DPYSL3: variants seen among roughly 807,000 people sequenced by gnomAD.
DPYSL3 encodes dihydropyrimidinase-related protein 3.
Under a neutral mutation model 66.1 loss-of-function variants are expected in DPYSL3, and 16 were observed. That is an observed-to-expected ratio of 0.24 (90% CI 0.16 to 0.37). The LOEUF is 0.37. Ranked by LOEUF, DPYSL3 falls within the 10% of genes least tolerant of loss-of-function variation. DPYSL3 has a pLI of 1.00. For missense variants in DPYSL3, 738 were observed against 916.2 expected, an observed-to-expected ratio of 0.81 and a Z score of 2.51; for synonymous variants, 338 against 345.1, an observed-to-expected ratio of 0.98 and a Z score of 0.23.
intron 1 of DPYSL3, among the ~76,000 whole-genome samples, chr5:147,437,607 G>A (rs1752435985): frequency 6.6e-6 from 1 of 152,204 alleles, no homozygotes; most frequent in Admixed American, 6.5e-5. Context: ...GGAGAGTGTG[G>A]AAGGAAGGAA....
intron 8 of DPYSL3, among the ~76,000 whole-genome samples, chr5:147,404,886 C>T (rs1758289969): frequency 6.6e-6 from 1 of 152,182 alleles, no homozygotes; most frequent in Non-Finnish European, 1.5e-5. Flanking sequence ...TGACCTGCAT[C>T]TGCACTGTGG....
intron 1 of DPYSL3, among the ~76,000 whole-genome samples, chr5:147,497,158 C>G (rs1034790723): frequency 6.7e-6 from 1 of 150,202 alleles, no homozygotes; most frequent in African/African-American, 2.5e-5. Context: ...GGACAAAAAA[C>G]CAAACACTGC....
chr5:147,451,730 C>T (rs11960053), intron 1 of DPYSL3, among the ~76,000 whole-genome samples: 3,765 of 152,292 alleles, frequency 0.025, 150 homozygotes, highest in African/African-American at 0.081. Context: ...GGCATACCTC[C>T]AGCATAGAAT....
intron 1 of DPYSL3, among the ~76,000 whole-genome samples, chr5:147,480,703 A>ATATTATTATTATTAT (rs10665228): frequency 2.1e-5 from 3 of 142,472 alleles, no homozygotes; most frequent in South Asian, 2.3e-4. Context: ...GAATATATAT[A>ATATTATTATTATTAT]TATTATTATT....
At chr5:147,494,342 G>A (rs924479436) in intron 1 of DPYSL3, among the ~76,000 whole-genome samples, 43 of 151,998 alleles carry the variant, frequency 2.8e-4, no homozygotes, top group African/African-American at 9.9e-4. Flanking sequence ...CAGAAGAAAA[G>A]ATTTCTTTTC....
intron 7 of DPYSL3, among the ~76,000 whole-genome samples, chr5:147,406,878 G>C (rs963141178): frequency 6.6e-6 from 1 of 152,186 alleles, no homozygotes; most frequent in African/African-American, 2.4e-5. Flanking sequence ...TCCATTGTGG[G>C]TGTAGCTCAG....
intron 1 of DPYSL3, among the ~76,000 whole-genome samples, chr5:147,490,516 A>G (rs1411040652): frequency 6.6e-6 from 1 of 152,238 alleles, no homozygotes; most frequent in Non-Finnish European, 1.5e-5. Context: ...CTCTGTGAAG[A>G]TGCCACAATG....
chr5:147,453,186 A>AAAGCAC (rs1752770366), intron 1 of DPYSL3, among the ~76,000 whole-genome samples: 2 of 152,086 alleles, frequency 1.3e-5, no homozygotes, highest in African/African-American at 4.8e-5. Context: ...CCTTAGACAA[A>AAAGCAC]AAGCACACCT....
At chr5:147,417,223 T>C (rs1427352546) in intron 3 of DPYSL3, among the ~76,000 whole-genome samples, 1 of 152,206 alleles carries the variant, frequency 6.6e-6, no homozygotes, top group Non-Finnish European at 1.5e-5. Flanking sequence ...GTCCAACTCC[T>C]TGCCCAGATG....
chr5:147,393,968 C>G lies in DPYSL3; in HGVS notation c.*67G>C. 6.7e-7 allele frequency: 1 copy of G among 1,482,740 alleles called. No homozygotes were observed. The highest frequency in any genetic ancestry group is 9.4e-7 in the Non-Finnish European group (1 of 1,064,432). 91.8% of individuals were successfully genotyped at this position (1,482,740 alleles called of 1,614,324 possible). ...TGGATTCGCTTTCCTTCTTAAATAT[C>G]GGTGTACCATTTTGGCTTCAAAACA... is the stretch of plus-strand genomic sequence containing the variant. On this transcript the variant is annotated 3_prime_UTR_variant, in exon 14 of 14. Coordinates refer to ENST00000343218, the MANE Select transcript of DPYSL3 (RefSeq NM_001197294.2).
chr5:147,492,788 CA>C (rs1288962250), intron 1 of DPYSL3, among the ~76,000 whole-genome samples: 2 of 151,744 alleles, frequency 1.3e-5, no homozygotes, highest in East Asian at 3.9e-4. Context: ...ACAAGGACAA[CA>C]AATAGAATAC....
intron 1 of DPYSL3, among the ~76,000 whole-genome samples, chr5:147,504,752 C>T (rs2126463491): frequency 6.6e-6 from 1 of 152,312 alleles, no homozygotes; most frequent in South Asian, 2.1e-4. Flanking sequence ...ATGAAGGAAA[C>T]ATCTTGCACA....
rs1753520671 is a variant in DPYSL3, at chr5:147,496,801, G to A, written c.381+12677C>T. On this transcript the variant is annotated intron_variant, in intron 1 of 13. Coordinates refer to ENST00000343218, the MANE Select transcript of DPYSL3 (RefSeq NM_001197294.2). ...ATAGGAACACTTTTACACTGTTGGT[G>A]GGACTGTAAACTAGTTCAACCATTG... 1.3e-5 allele frequency among the ~76,000 whole-genome samples: 2 copies of A among 151,766 alleles called. 1 individual carries two copies. Among genetic ancestry groups the A allele is most frequent in the South Asian group, 4.2e-4 (2 of 4,806 alleles).
At chr5:147,453,654 T>C (rs1752786493) in intron 1 of DPYSL3, 1 of 1,496,434 alleles carries the variant, frequency 6.7e-7, no homozygotes, top group Non-Finnish European at 8.9e-7. Flanking sequence ...GCCCGCGCCT[T>C]CCTCAGCGCA....
chr5:147,435,234 G>A (rs1048118517), intron 1 of DPYSL3, among the ~76,000 whole-genome samples: 4 of 152,270 alleles, frequency 2.6e-5, no homozygotes, highest in Admixed American at 2.0e-4. Context: ...ACGTGGGTAT[G>A]GCCAACGGCA....
intron 3 of DPYSL3, 83 bp downstream of exon 3, chr5:147,418,364 T>C: frequency 7.3e-7 from 1 of 1,374,536 alleles, no homozygotes; most frequent in East Asian, 2.4e-5. Context: ...GTATACAAGT[T>C]ATAGTAAGAG....
intron 1 of DPYSL3, among the ~76,000 whole-genome samples, chr5:147,464,617 A>C (rs1752984949): frequency 6.6e-6 from 1 of 152,218 alleles, no homozygotes; most frequent in Non-Finnish European, 1.5e-5. Context: ...ATATGTACTA[A>C]CTTGCCCAGC....
chr5:147,412,074 A>G (rs982058240), intron 6 of DPYSL3, among the ~76,000 whole-genome samples: 10 of 152,064 alleles, frequency 6.6e-5, no homozygotes, highest in Admixed American at 4.6e-4. Context: ...CAAATGATCA[A>G]TTTGGGCCTT....
In DPYSL3 at chr5:147,482,227, C is replaced by T. The variant is rs116013157; in HGVS notation, c.381+27251G>A. Among the ~76,000 whole-genome samples, 1,080 of 152,278 alleles carry T rather than the reference C, an allele frequency of 7.1e-3. 20 individuals are homozygous for T. The highest frequency in any genetic ancestry group is 0.024 in the African/African-American group (1,017 of 41,554). ...AAGGACTTAGTAATTACACGATAAA[C>T]AATAGCTATCAGTTTGGATCTCATA... is the stretch of plus-strand genomic sequence containing the variant. On this transcript the variant is annotated intron_variant, in intron 1 of 13. Coordinates refer to ENST00000343218, the MANE Select transcript of DPYSL3 (RefSeq NM_001197294.2).
Sources: allele counts gnomAD v4.1 joint callset (sites outside exome capture counted in the v4.1 genomes callset), GRCh38; gene constraint gnomAD v4.1.1; transcripts MANE v1.5; gene names NCBI Gene and HGNC (gene_info 2026-07-23, HGNC 2026-07-21).